Variants in SPAG17 observed in about 807,000 individuals in gnomAD.
SPAG17 encodes sperm associated antigen 17.
In SPAG17, 169 loss-of-function variants were observed where a neutral mutation model predicts 273.6. The ratio of observed to expected loss-of-function variants is 0.62; its 90% CI spans 0.55 to 0.70. SPAG17 has a LOEUF of 0.70. SPAG17 is among the 30% of genes least tolerant of loss of function. The pLI, the probability that SPAG17 is intolerant of heterozygous loss-of-function variation, is 0.00. For missense variants in SPAG17, 2,557 were observed against 2,627.8 expected (o/e 0.97, Z 0.59); for synonymous variants, 825 against 873.2 (o/e 0.94, Z 0.97).
At position 118,081,290 on chromosome 1, in the gene SPAG17, C is replaced by CA; in HGVS notation, c.2019dup (p.Val674CysfsTer12). 1 of 1,614,052 alleles carries CA rather than the reference C, an allele frequency of 6.2e-7. No individual in the cohort carries two copies. The highest frequency in any genetic ancestry group is 8.5e-7 in the Non-Finnish European group (1 of 1,179,996). ...ACAGACATTGACAAATTCTGATCCA[C>CA]AAATAGTGTTCTGTCTTTGATTTTA... On this transcript the variant is annotated frameshift_variant, in exon 15 of 49. Coordinates refer to ENST00000336338, the MANE Select transcript of SPAG17 (RefSeq NM_206996.4). LOFTEE classifies it high-confidence loss of function.
chr1:118,086,713 CAGT>C lies in SPAG17; in HGVS notation c.1566_1568del (p.Leu523del). The C allele has an allele frequency of 6.2e-7, 1 of 1,614,102 alleles. No homozygotes were observed. The highest frequency in any genetic ancestry group is 1.3e-5 in the African/African-American group (1 of 75,010). On this transcript the variant is annotated inframe_deletion, in exon 12 of 49. Transcript: ENST00000336338. ...TGTGGGCGTGTGCATCATGATAGTT[CAGT>C]AGGAGGGGGCCTTTGGGCACTGCTT... is the stretch of plus-strand genomic sequence containing the variant.
In SPAG17 at chr1:118,116,157, C is replaced by T. The variant is rs1012957146; in HGVS notation, c.316-716G>A. 3.3e-5 allele frequency among the ~76,000 whole-genome samples: 5 copies of T among 152,148 alleles called. No homozygotes were observed. In the East Asian group the frequency reaches 5.8e-4, roughly 18 times the overall value. ...CTTGTTTCCCCTAAATTTCACACAACGCTCTAACATCTGGGCCCTTTTCCT... is the reference window on the plus strand; with the variant it reads ...CTTGTTTCCCCTAAATTTCACACAATGCTCTAACATCTGGGCCCTTTTCCT... On this transcript the variant is annotated intron_variant, in intron 3 of 48. Transcript: ENST00000336338.
intron 30 of SPAG17, among the ~76,000 whole-genome samples, chr1:118,011,809 T>G (rs2101776377): frequency 6.6e-6 from 1 of 152,104 alleles, no homozygotes; most frequent in Middle Eastern, 3.4e-3. Flanking sequence ...TTTTGGCTGC[T>G]GGGTGCTGCT....
At chr1:118,114,377 T>C (rs180949943) in intron 4 of SPAG17, among the ~76,000 whole-genome samples, 2 of 152,292 alleles carry the variant, frequency 1.3e-5, no homozygotes, top group East Asian at 3.9e-4. Flanking sequence ...ATTATTTTTT[T>C]CTACAATTAC....
At chr1:118,001,103 T>C (rs1015850372) in intron 32 of SPAG17, among the ~76,000 whole-genome samples, 8 of 152,248 alleles carry the variant, frequency 5.3e-5, no homozygotes, top group Non-Finnish European at 1.2e-4. Flanking sequence ...TTGTTGGTTC[T>C]GTTTATGTGA....
chr1:118,031,909 A>T (rs973894394), intron 24 of SPAG17, 42 bp from the exon 25 acceptor site: 28 of 1,453,890 alleles, frequency 1.9e-5, no homozygotes, highest in Non-Finnish European at 2.5e-5. Flanking sequence ...TTCAACATTC[A>T]TATTTGATAT....
intron 3 of SPAG17, among the ~76,000 whole-genome samples, chr1:118,122,145 C>CTGTGTG (rs1430838124): frequency 1.6e-3 from 201 of 122,238 alleles, no homozygotes; most frequent in Middle Eastern, 7.9e-3. Flanking sequence ...CAATGTGTGT[C>CTGTGTG]TGTGTGTCTG....
chr1:117,955,058 C>T, intron 48 of SPAG17: 2 of 418,312 alleles, frequency 4.8e-6, no homozygotes, highest in Non-Finnish European at 8.4e-6. Flanking sequence ...TGTCTCATCA[C>T]AGTAATTTTG....
Position 118,031,842 on chromosome 1 carries a change from T to C in SPAG17, c.3459A>G (p.Thr1153=). The part of the protein sequence containing the change: ...APEDKDPDLE[T]ILNIPSALTP... ...TGAGTGCTGAAGGGATATTCAATAT[T>C]GTTTCTAAATCAGGATCCTTATCTT... The change falls in exon 25 of 49, where the codon ACA becomes ACG. Residue 1153 remains threonine, a synonymous_variant. Coordinates refer to ENST00000336338, the MANE Select transcript of SPAG17 (RefSeq NM_206996.4). 1 of 1,605,570 alleles carries C rather than the reference T, an allele frequency of 6.2e-7. No individual in the cohort carries two copies. Among genetic ancestry groups the C allele is most frequent in the Non-Finnish European group, 8.5e-7 (1 of 1,175,918 alleles).
chr1:117,975,774 C>T (rs1372597642), intron 43 of SPAG17, among the ~76,000 whole-genome samples: 1 of 152,214 alleles, frequency 6.6e-6, no homozygotes, highest in East Asian at 1.9e-4. Flanking sequence ...TCACTATTCT[C>T]TGCAGAGGCA....
chr1:118,102,785 T>C (rs1156840623), intron 4 of SPAG17, among the ~76,000 whole-genome samples: 1 of 152,266 alleles, frequency 6.6e-6, no homozygotes, highest in Non-Finnish European at 1.5e-5. Flanking sequence ...ACTGAAATGT[T>C]GTGGCAGTAC....
chr1:118,177,990 A>G (rs1354892772), intron 1 of SPAG17, among the ~76,000 whole-genome samples: 1 of 152,180 alleles, frequency 6.6e-6, no homozygotes, highest in Non-Finnish European at 1.5e-5. Context: ...TTGAACATTT[A>G]AAGTAAAACT....
chr1:118,153,314 G>C (rs1659489284), intron 1 of SPAG17, among the ~76,000 whole-genome samples: 1 of 152,158 alleles, frequency 6.6e-6, no homozygotes, highest in Non-Finnish European at 1.5e-5. Flanking sequence ...CTTATAGATG[G>C]AAAAACAAAG....
intron 29 of SPAG17, among the ~76,000 whole-genome samples, chr1:118,015,479 C>T (rs543699234): frequency 6.6e-6 from 1 of 151,962 alleles, no homozygotes; most frequent in South Asian, 2.1e-4. Flanking sequence ...TTCAATATAC[C>T]ATAAGTTTTT....
intron 20 of SPAG17, among the ~76,000 whole-genome samples, chr1:118,051,732 A>G (rs1227783342): frequency 6.9e-6 from 1 of 145,752 alleles, no homozygotes; most frequent in Non-Finnish European, 1.5e-5. Flanking sequence ...ACAATATATG[A>G]TATGGTTTAT....
At chr1:117,965,187 ACTTTAAAT>A (rs1333608283) in intron 47 of SPAG17, 2 of 152,200 alleles carry the variant, frequency 1.3e-5, no homozygotes, top group African/African-American at 4.8e-5. Context: ...CAAATTTAAC[ACTTTAAAT>A]CTGAATTTTC....
In SPAG17 at chr1:118,091,937, T is replaced by C. The variant is rs566243505; in HGVS notation, c.1239A>G (p.Pro413=). The part of the protein sequence containing the change: ...KKAQYEEPQA[P]PPVTSVITTE... The stretch of plus-strand genomic sequence containing the variant: ...AGCCGATTTCATACATGCCTGGTGG[T>C]GGAGCTTGCGGTTCTTCATACTGTG... Residue 413 remains proline (P), a synonymous_variant, in exon 9 of 49, where the codon CCA becomes CCG. Coordinates refer to ENST00000336338, the MANE Select transcript of SPAG17 (RefSeq NM_206996.4). 1 of 1,613,536 alleles carries C rather than the reference T, an allele frequency of 6.2e-7. No individual in the cohort carries two copies. Among genetic ancestry groups the C allele is most frequent in the South Asian group, 1.1e-5 (1 of 91,072 alleles).
chr1:117,978,023 G>T (rs1472993277), intron 43 of SPAG17, among the ~76,000 whole-genome samples: 1 of 152,034 alleles, frequency 6.6e-6, no homozygotes, highest in Non-Finnish European at 1.5e-5. Context: ...TGCCAACCCC[G>T]ATCATTTTAC....
At chr1:118,123,732 T>C (rs1007532196) in intron 3 of SPAG17, among the ~76,000 whole-genome samples, 1 of 152,200 alleles carries the variant, frequency 6.6e-6, no homozygotes, top group Non-Finnish European at 1.5e-5. Flanking sequence ...AAATAATATT[T>C]GGCAGTAACA....
Sources: gnomAD v4.1 joint callset for allele counts (sites outside exome capture counted in the v4.1 genomes callset) on GRCh38, gnomAD v4.1.1 for gene constraint, MANE v1.5 for transcripts, NCBI Gene and HGNC (gene_info 2026-07-23, HGNC 2026-07-21) for gene names.